ASTN1: variants seen among roughly 807,000 people sequenced by gnomAD.
The protein encoded by ASTN1 is astrotactin-1.
Under a neutral mutation model 140.7 loss-of-function variants are expected in ASTN1, and 41 were observed. The ratio of observed to expected loss-of-function variants is 0.29; its 90% CI spans 0.23 to 0.38. The LOEUF (loss-of-function observed/expected upper bound fraction) is 0.38. Ranked by LOEUF, ASTN1 falls within the 10% of genes least tolerant of loss-of-function variation. ASTN1 has a pLI of 1.00. For missense variants in ASTN1, 1,479 were observed against 1,678.8 expected (o/e 0.88, Z 2.08); for synonymous variants, 640 against 652.2 (o/e 0.98, Z 0.29).
At chr1:177,032,323 C>A in intron 3 of ASTN1, 133 bp downstream of exon 3, 1 of 1,225,586 alleles carries the variant, frequency 8.2e-7, no homozygotes, top group South Asian at 1.5e-5. Flanking sequence ...GTTATTCTTG[C>A]CTATCTAGGG....
chr1:176,876,915 C>T (rs969177031), intron 20 of ASTN1, among the ~76,000 whole-genome samples: 1 of 152,114 alleles, frequency 6.6e-6, no homozygotes, highest in Admixed American at 6.5e-5. Flanking sequence ...CAAAGTCGGG[C>T]CCCCAGACCA....
intron 1 of ASTN1, among the ~76,000 whole-genome samples, chr1:177,122,975 G>A (rs755337888): frequency 1.6e-4 from 25 of 152,118 alleles, no homozygotes; most frequent in Non-Finnish European, 7.4e-5. Context: ...GCTTCCTGAG[G>A]CATCAGCCCC....
intron 17 of ASTN1, among the ~76,000 whole-genome samples, chr1:176,892,212 C>T (rs919153556): frequency 1.1e-4 from 16 of 152,140 alleles, no homozygotes; most frequent in African/African-American, 3.9e-4. Flanking sequence ...TCAATAGATT[C>T]TGTGGAGCCA....
intron 8 of ASTN1, among the ~76,000 whole-genome samples, chr1:177,000,237 C>T (rs907971232): frequency 1.1e-4 from 17 of 152,260 alleles, no homozygotes; most frequent in African/African-American, 3.9e-4. Flanking sequence ...TATAAGCAAA[C>T]GTCATGACTT....
chr1:177,152,719 T>G (rs1683091281), intron 1 of ASTN1, among the ~76,000 whole-genome samples: 1 of 152,084 alleles, frequency 6.6e-6, no homozygotes, highest in Non-Finnish European at 1.5e-5. Context: ...TGTTACATTT[T>G]TAGAACCAGA....
Position 177,032,787 on chromosome 1 carries a change from C to A in ASTN1, c.534G>T (p.Arg178=). 6.2e-7 allele frequency: 1 copy of A among 1,612,922 alleles called. No homozygotes were observed. The highest frequency in any genetic ancestry group is 1.3e-5 in the African/African-American group (1 of 75,020). Residue 178 remains arginine, a synonymous_variant, in exon 3 of 23, where the codon CGG becomes CGT. Transcript: ENST00000361833. ...LCLVMILYTR[R]RWCKRRRVPQ... Reference sequence around the variant, plus strand: ...GGACCCGGCGGCGTTTGCACCAGCGCCGGCGAGTATACAGGATCATCACCA... The same window carrying A: ...GGACCCGGCGGCGTTTGCACCAGCGACGGCGAGTATACAGGATCATCACCA...
intron 1 of ASTN1, among the ~76,000 whole-genome samples, chr1:177,136,204 T>C (rs772858327): frequency 3.9e-5 from 6 of 152,266 alleles, no homozygotes; most frequent in South Asian, 2.1e-4. Flanking sequence ...TCCTGTGGAG[T>C]GTCCTCTTGT....
intron 16 of ASTN1, among the ~76,000 whole-genome samples, chr1:176,911,505 G>A (rs1343578786): frequency 2.6e-5 from 4 of 151,648 alleles, no homozygotes; most frequent in Non-Finnish European, 4.4e-5. Context: ...ATACACTATT[G>A]TATATGCTTT....
chr1:177,136,670 C>T (rs1028117821), intron 1 of ASTN1, among the ~76,000 whole-genome samples: 1 of 152,090 alleles, frequency 6.6e-6, no homozygotes, highest in Non-Finnish European at 1.5e-5. Flanking sequence ...TTAGTCAGAC[C>T]TTTCTATCCA....
intron 16 of ASTN1, 59 bp from the exon 17 acceptor site, chr1:176,894,889 A>G: frequency 6.3e-7 from 1 of 1,598,272 alleles, no homozygotes. Context: ...GACTATCATG[A>G]CCTCGTGGCC....
At chr1:177,083,493 T>G (rs1170345154) in intron 1 of ASTN1, among the ~76,000 whole-genome samples, 1 of 152,152 alleles carries the variant, frequency 6.6e-6, no homozygotes, top group Admixed American at 6.5e-5. Context: ...AATGTTGATT[T>G]TAGGCTTTGG....
chr1:176,872,934 A>C (rs1457066844), intron 21 of ASTN1, among the ~76,000 whole-genome samples: 1 of 152,148 alleles, frequency 6.6e-6, no homozygotes, highest in Non-Finnish European at 1.5e-5. Flanking sequence ...AATATTATAC[A>C]CATTACTGTT....
At chr1:176,949,072 C>A in intron 12 of ASTN1, 113 bp downstream of exon 12, 1 of 1,420,654 alleles carries the variant, frequency 7.0e-7, no homozygotes. Context: ...TCCTCAGAGA[C>A]TAAGGGATGG....
chr1:176,996,413 G>A (rs774846166), intron 8 of ASTN1, among the ~76,000 whole-genome samples: 2 of 151,876 alleles, frequency 1.3e-5, no homozygotes, highest in African/African-American at 4.8e-5. Context: ...AACTTCCCAG[G>A]CAGTTTCTTT....
At chr1:177,061,577 A>T (rs1678093817) in intron 1 of ASTN1, among the ~76,000 whole-genome samples, 1 of 152,188 alleles carries the variant, frequency 6.6e-6, no homozygotes, top group African/African-American at 2.4e-5. Flanking sequence ...TACACAGCTC[A>T]GTTTGAATAC....
At chr1:177,043,742 T>C (rs577732118) in intron 2 of ASTN1, among the ~76,000 whole-genome samples, 1 of 152,306 alleles carries the variant, frequency 6.6e-6, no homozygotes, top group East Asian at 1.9e-4. Context: ...AATTAAGGGC[T>C]GAGAGGAGAC....
intron 1 of ASTN1, among the ~76,000 whole-genome samples, chr1:177,062,695 A>G (rs923121198): frequency 6.6e-6 from 1 of 152,230 alleles, no homozygotes; most frequent in Non-Finnish European, 1.5e-5. Context: ...CATAAAAAGG[A>G]AAACAATTTT....
At chr1:176,975,014 T>C (rs1376055272) in intron 8 of ASTN1, among the ~76,000 whole-genome samples, 1 of 152,214 alleles carries the variant, frequency 6.6e-6, no homozygotes, top group African/African-American at 2.4e-5. Flanking sequence ...TAGCTGCTCC[T>C]TTGATTTAAG....
chr1:177,058,095 G>T (rs898344967), intron 2 of ASTN1, among the ~76,000 whole-genome samples: 5 of 152,158 alleles, frequency 3.3e-5, no homozygotes, highest in Non-Finnish European at 7.3e-5. Context: ...CAGTGTGTGG[G>T]GTGTGTGTAT....
Sources: gnomAD v4.1 joint callset for allele counts (sites outside exome capture counted in the v4.1 genomes callset) on GRCh38, gnomAD v4.1.1 for gene constraint, MANE v1.5 for transcripts, NCBI Gene and HGNC (gene_info 2026-07-23, HGNC 2026-07-21) for gene names.